Variants in WWOX observed in about 807,000 individuals in gnomAD.
WWOX encodes the protein WW domain-containing oxidoreductase.
Under a neutral mutation model 46.2 loss-of-function variants are expected in WWOX, and 69 were observed. That is an observed-to-expected ratio of 1.49 (90% CI 1.23 to 1.82). The LOEUF (loss-of-function observed/expected upper bound fraction) is 1.82, where lower values mean the gene tolerates loss of function less well. Ranked by LOEUF, WWOX falls within the 40% of genes most tolerant of loss-of-function variation. The pLI is 0.00. For missense variants in WWOX, 919 were observed against 542.6 expected, an observed-to-expected ratio of 1.69 and a Z score of -6.89; for synonymous variants, 359 against 202.6, an observed-to-expected ratio of 1.77 and a Z score of -6.56.
chr16:78,339,953 T>C (rs1357925761), intron 5 of WWOX, among the ~76,000 whole-genome samples: 2 of 99,606 alleles, frequency 2.0e-5, no homozygotes, highest in East Asian at 4.4e-4. Context: ...ATTTTTATCC[T>C]CTATTTATCT....
rs755750735 is a variant in WWOX, at chr16:78,968,168, G to A, written c.1057-243440G>A. Among the ~76,000 whole-genome samples, 144 of 149,280 alleles carry A rather than the reference G, an allele frequency of 9.6e-4. 1 individual carries two copies. Among genetic ancestry groups the A allele is most frequent in the African/African-American group, 1.1e-3 (45 of 39,472 alleles). ...CAGCGCGTGGTCCGCGTGGCACAGC[G>A]CGTGGTCTGCGTGGCACAGTGCGTG... On this transcript the variant is annotated intron_variant, in intron 8 of 8. Coordinates refer to ENST00000566780, the MANE Select transcript of WWOX (RefSeq NM_016373.4).
chr16:78,843,108 A>G (rs1341896963), intron 8 of WWOX, among the ~76,000 whole-genome samples: 6 of 149,336 alleles, frequency 4.0e-5, no homozygotes, highest in Non-Finnish European at 9.0e-5. Flanking sequence ...TTTTTTTGGC[A>G]CCATAGAAAT....
intron 5 of WWOX, among the ~76,000 whole-genome samples, chr16:78,250,994 C>G (rs1350120962): frequency 6.6e-6 from 1 of 152,196 alleles, no homozygotes; most frequent in African/African-American, 2.4e-5. Context: ...CTGGGTTGGT[C>G]ACTCCTGGAT....
intron 8 of WWOX, among the ~76,000 whole-genome samples, chr16:78,844,641 T>A (rs964174288): frequency 6.6e-6 from 1 of 151,960 alleles, no homozygotes; most frequent in African/African-American, 2.4e-5. Flanking sequence ...GTCAAATAAT[T>A]TCCGTGCAAT....
chr16:79,011,636 T>A (rs1212908699), intron 8 of WWOX, among the ~76,000 whole-genome samples: 1 of 151,418 alleles, frequency 6.6e-6, no homozygotes, highest in Non-Finnish European at 1.5e-5. Flanking sequence ...GGGACTACTG[T>A]GATGTGCCAC....
chr16:79,166,139 T>A (rs1393862502), intron 8 of WWOX, among the ~76,000 whole-genome samples: 1 of 152,212 alleles, frequency 6.6e-6, no homozygotes, highest in Non-Finnish European at 1.5e-5. Flanking sequence ...ATTCTTGACT[T>A]TTTTTAATAG....
intron 8 of WWOX, among the ~76,000 whole-genome samples, chr16:78,809,287 C>G (rs1243274005): frequency 7.2e-6 from 1 of 139,854 alleles, no homozygotes; most frequent in African/African-American, 2.7e-5. Context: ...GAAACAGGAA[C>G]CAAAGCAAAG....
chr16:78,241,629 G>A (rs980889851), intron 5 of WWOX, among the ~76,000 whole-genome samples: 1 of 152,060 alleles, frequency 6.6e-6, no homozygotes. Context: ...TAGTAGAGAT[G>A]GGGTTTCAGC....
At chr16:78,510,716 C>T (rs562764251) in intron 8 of WWOX, among the ~76,000 whole-genome samples, 1 of 152,168 alleles carries the variant, frequency 6.6e-6, no homozygotes, top group South Asian at 2.1e-4. Context: ...TGCTACAGAT[C>T]CTTCGTATCA....
At chr16:78,892,526 G>T (rs1302254035) in intron 8 of WWOX, among the ~76,000 whole-genome samples, 1 of 152,198 alleles carries the variant, frequency 6.6e-6, no homozygotes, top group Non-Finnish European at 1.5e-5. Context: ...CAAGAAGTGG[G>T]AGCTGGACGA....
intron 8 of WWOX, among the ~76,000 whole-genome samples, chr16:78,576,939 G>C (rs1159801697): frequency 6.6e-6 from 1 of 152,080 alleles, no homozygotes; most frequent in Non-Finnish European, 1.5e-5. Context: ...TATATATCTT[G>C]ACCATTTTAT....
intron 4 of WWOX, among the ~76,000 whole-genome samples, chr16:78,136,847 C>G (rs771579185): frequency 3.2e-4 from 48 of 151,874 alleles, no homozygotes; most frequent in Non-Finnish European, 4.9e-4. Context: ...GGTGGGCTTT[C>G]TAATCCTGAC....
chr16:79,211,565 C>G (rs760182182), intron 8 of WWOX, 43 bp from the exon 9 acceptor site: 3 of 1,613,534 alleles, frequency 1.9e-6, no homozygotes, highest in African/African-American at 1.3e-5. Context: ...CTCATCACTC[C>G]TTTTCTTAAA....
intron 5 of WWOX, among the ~76,000 whole-genome samples, chr16:78,353,667 G>A (rs1279864016): frequency 1.3e-5 from 2 of 152,208 alleles, no homozygotes; most frequent in African/African-American, 4.8e-5. Context: ...GAAGATTAGA[G>A]ATGTAACTCT....
Position 78,432,504 on chromosome 16 carries a change from G to A in WWOX, c.808G>A (p.Asp270Asn). 2 of 1,614,076 alleles carry A rather than the reference G, an allele frequency of 1.2e-6. No homozygotes were observed. Among genetic ancestry groups the A allele is most frequent in the South Asian group, 1.1e-5 (1 of 91,064 alleles). The change falls in exon 8 of 9, where the codon GAC becomes AAC. Residue 270 changes from aspartate (D) to asparagine (N), a missense_variant. Asp to Asn is a conservative substitution (Grantham distance 23, BLOSUM62 1). Transcript: ENST00000566780. ...SESHRFTDIN[D>N]SLGKLDFSRL... ...ATTTTTAAGATTTACAGATATTAACGACTCCTTGGGAAAACTGGACTTCAG... is the reference window on the plus strand; with the variant it reads ...ATTTTTAAGATTTACAGATATTAACAACTCCTTGGGAAAACTGGACTTCAG...
At chr16:78,495,145 C>CT (rs71140804) in intron 8 of WWOX, among the ~76,000 whole-genome samples, 2,117 of 116,600 alleles carry the variant, frequency 0.018, 83 homozygotes, top group African/African-American at 0.055. Flanking sequence ...CTGTTGTGTT[C>CT]TTTTTTTTTT....
intron 8 of WWOX, among the ~76,000 whole-genome samples, chr16:79,142,888 G>A (rs998906674): frequency 4.6e-5 from 7 of 152,040 alleles, no homozygotes; most frequent in Non-Finnish European, 8.8e-5. Flanking sequence ...TTTTTTTACA[G>A]AGACAAGTTC....
intron 8 of WWOX, among the ~76,000 whole-genome samples, chr16:78,683,758 A>T (rs1180070054): frequency 6.6e-6 from 1 of 151,992 alleles, no homozygotes; most frequent in Non-Finnish European, 1.5e-5. Flanking sequence ...GGGCATTTTC[A>T]AGTTAAATAT....
intron 8 of WWOX, among the ~76,000 whole-genome samples, chr16:78,811,262 C>G (rs1053094801): frequency 1.3e-5 from 2 of 152,140 alleles, no homozygotes; most frequent in African/African-American, 2.4e-5. Context: ...TCTGCAATTG[C>G]TGAGTAATTG....
Sources: allele counts gnomAD v4.1 joint callset (sites outside exome capture counted in the v4.1 genomes callset), GRCh38; gene constraint gnomAD v4.1.1; transcripts MANE v1.5; gene names NCBI Gene and HGNC (gene_info 2026-07-23, HGNC 2026-07-21).